Variants in DLG2 observed in about 807,000 individuals in gnomAD.
The protein encoded by DLG2 is discs large MAGUK scaffold protein 2, also known as disks large homolog 2.
Under a neutral mutation model 132.5 loss-of-function variants are expected in DLG2, and 45 were observed. The ratio of observed to expected loss-of-function variants is 0.34; its 90% CI spans 0.27 to 0.44. The LOEUF is 0.44. DLG2 is among the 20% of genes least tolerant of loss of function. The pLI is 1.00. For missense variants in DLG2, 1,045 were observed against 1,196.9 expected (o/e 0.87, Z 1.87); for synonymous variants, 424 against 419.6 (o/e 1.01, Z -0.13).
intron 18 of DLG2, chr11:83,725,302 T>C (rs1191928996): frequency 2.2e-5 from 4 of 179,156 alleles, no homozygotes; most frequent in Non-Finnish European, 4.7e-5. Context: ...GCCTCCCAGC[T>C]AGCTGCTGGT....
intron 6 of DLG2, among the ~76,000 whole-genome samples, chr11:84,862,434 C>T (rs888538469): frequency 2.0e-5 from 3 of 151,884 alleles, no homozygotes; most frequent in African/African-American, 7.3e-5. Flanking sequence ...GATCTAGAAC[C>T]AGAAATACCA....
At chr11:85,405,426 A>G (rs369990093) in intron 3 of DLG2, among the ~76,000 whole-genome samples, 9 of 152,146 alleles carry the variant, frequency 5.9e-5, no homozygotes, top group African/African-American at 2.2e-4. Flanking sequence ...AAAAATCACT[A>G]AAGAACATAA....
rs992021902 is a variant in DLG2, at chr11:85,063,546, A to G, written c.357+48115T>C. ...TGAAAAACGGTACACCTTATGACTA[A>G]AAGACTTTTAAAGACTTATATGGTT... On this transcript the variant is annotated intron_variant, in intron 6 of 27. Transcript: ENST00000376104. Among the ~76,000 whole-genome samples, 4 of 151,796 alleles carry G rather than the reference A, an allele frequency of 2.6e-5. No homozygotes were observed. The South Asian group carries it at 6.2e-4, about 24-fold the overall frequency.
chr11:84,605,593 A>C (rs74462990), intron 6 of DLG2, among the ~76,000 whole-genome samples: 1 of 97,628 alleles, frequency 1.0e-5, no homozygotes, highest in African/African-American at 4.6e-5. Context: ...ATCCTCTGCA[A>C]AAAAAAAAAA....
intron 7 of DLG2, among the ~76,000 whole-genome samples, chr11:84,286,723 G>A (rs574881648): frequency 2.0e-5 from 3 of 152,180 alleles, no homozygotes; most frequent in East Asian, 1.9e-4. Flanking sequence ...TGGTCAACAA[G>A]TGTCTGAGTG....
intron 6 of DLG2, among the ~76,000 whole-genome samples, chr11:84,637,035 A>G (rs1297164604): frequency 6.6e-6 from 1 of 151,574 alleles, no homozygotes; most frequent in Non-Finnish European, 1.5e-5. Context: ...TGATCTGCCC[A>G]TGTCGGCCTC....
Position 84,087,879 on chromosome 11 carries a change from G to A in DLG2, c.749+11044C>T, listed in dbSNP as rs1372812122. 5.3e-5 allele frequency among the ~76,000 whole-genome samples: 8 copies of A among 152,248 alleles called. No homozygotes were observed. In the East Asian group the frequency reaches 1.5e-3, roughly 29 times the overall value. On this transcript the variant is annotated intron_variant, in intron 10 of 27. Transcript: ENST00000376104. ...GGACTTCTGACGTCCAGAACTATAGGATAATAAATTCGCATTATTTTAAGT... is the reference window on the plus strand; with the variant it reads ...GGACTTCTGACGTCCAGAACTATAGAATAATAAATTCGCATTATTTTAAGT...
chr11:83,787,317 T>C (rs948566655), intron 17 of DLG2, among the ~76,000 whole-genome samples: 44 of 90,100 alleles, frequency 4.9e-4, no homozygotes, highest in Non-Finnish European at 7.0e-4. Context: ...GCCTTGTTTT[T>C]TTTTTGTTTT....
chr11:85,257,870 A>G (rs1365782037), intron 4 of DLG2, among the ~76,000 whole-genome samples: 1 of 152,240 alleles, frequency 6.6e-6, no homozygotes, highest in Admixed American at 6.5e-5. Context: ...AGTTTTACAA[A>G]TGAGAAAATA....
intron 18 of DLG2, among the ~76,000 whole-genome samples, chr11:83,693,289 T>G (rs1361704711): frequency 2.0e-5 from 3 of 152,136 alleles, no homozygotes; most frequent in African/African-American, 7.2e-5. Flanking sequence ...CTGGTGAATT[T>G]GAGCATTATT....
chr11:84,456,945 C>G (rs1183909993), intron 7 of DLG2, among the ~76,000 whole-genome samples: 2 of 151,084 alleles, frequency 1.3e-5, no homozygotes, highest in Non-Finnish European at 3.0e-5. Flanking sequence ...AAAAAAGGTA[C>G]AGCAACATTT....
intron 3 of DLG2, among the ~76,000 whole-genome samples, chr11:85,555,947 T>C (rs988622227): frequency 3.9e-5 from 6 of 151,970 alleles, no homozygotes; most frequent in African/African-American, 1.4e-4. Context: ...GCCTCAACCA[T>C]CTGGCCCCTC....
At chr11:84,367,549 T>C (rs1047363615) in intron 7 of DLG2, among the ~76,000 whole-genome samples, 1 of 152,136 alleles carries the variant, frequency 6.6e-6, no homozygotes, top group African/African-American at 2.4e-5. Context: ...TATAACAATA[T>C]TAAGAGCTGA....
intron 3 of DLG2, among the ~76,000 whole-genome samples, chr11:85,526,986 G>T (rs1361815081): frequency 6.6e-6 from 1 of 152,108 alleles, no homozygotes. Context: ...CAACCAAAAT[G>T]TGTATATTTT....
At chr11:84,272,810 T>C (rs549310132) in intron 7 of DLG2, among the ~76,000 whole-genome samples, 1 of 152,290 alleles carries the variant, frequency 6.6e-6, no homozygotes, top group South Asian at 2.1e-4. Flanking sequence ...GGGGAACCAA[T>C]GGGGAAATAA....
At chr11:84,476,069 A>T (rs1298296485) in intron 7 of DLG2, among the ~76,000 whole-genome samples, 1 of 152,162 alleles carries the variant, frequency 6.6e-6, no homozygotes, top group Non-Finnish European at 1.5e-5. Flanking sequence ...AACAAGAAAT[A>T]ATAAGATAAT....
At chr11:84,748,308 A>G (rs1219092703) in intron 6 of DLG2, among the ~76,000 whole-genome samples, 2 of 152,192 alleles carry the variant, frequency 1.3e-5, no homozygotes, top group Non-Finnish European at 2.9e-5. Context: ...TGAACCAGAA[A>G]TGAGGAAGAC....
At chr11:84,327,828 T>A (rs2098440073) in intron 7 of DLG2, among the ~76,000 whole-genome samples, 1 of 152,238 alleles carries the variant, frequency 6.6e-6, no homozygotes, top group East Asian at 1.9e-4. Context: ...TTAAGTTCCT[T>A]AGTTCTTAAC....
At chr11:84,125,610 C>T (rs997238002) in intron 9 of DLG2, among the ~76,000 whole-genome samples, 2 of 152,202 alleles carry the variant, frequency 1.3e-5, no homozygotes, top group Non-Finnish European at 2.9e-5. Flanking sequence ...ACAAGTTCTA[C>T]CACTGTAGGC....
Sources: allele counts gnomAD v4.1 joint callset (sites outside exome capture counted in the v4.1 genomes callset), GRCh38; gene constraint gnomAD v4.1.1; transcripts MANE v1.5; gene names NCBI Gene and HGNC (gene_info 2026-07-23, HGNC 2026-07-21).